C7: variants seen among roughly 807,000 people sequenced by gnomAD.
C7 encodes complement C7.
A neutral mutation model predicts 104.8 loss-of-function variants in C7; 83 were observed. The observed-to-expected ratio is 0.79, with a 90% confidence interval of 0.66 to 0.95. The LOEUF (loss-of-function observed/expected upper bound fraction) is 0.95, where lower values mean the gene tolerates loss of function less well. Among genes scored for constraint, C7 ranks in the 40% least tolerant of loss-of-function variants. The pLI, the probability that C7 is intolerant of heterozygous loss-of-function variation, is 0.00. For missense variants in C7, 1,070 were observed against 1,011.2 expected (o/e 1.06, Z -0.79); for synonymous variants, 415 against 360.6 (o/e 1.15, Z -1.71).
At chr5:40,972,125 G>A (rs1740710326) in intron 14 of C7, 1 of 537,366 alleles carries the variant, frequency 1.9e-6, no homozygotes, top group Non-Finnish European at 3.4e-6. Context: ...CTGGGCATTA[G>A]GACTCTATTG....
intron 14 of C7, among the ~76,000 whole-genome samples, chr5:40,966,803 T>C (rs1345167076): frequency 6.6e-6 from 1 of 152,142 alleles, no homozygotes; most frequent in African/African-American, 2.4e-5. Context: ...CGTATATATA[T>C]ACCACAGTTT....
intron 1 of C7, among the ~76,000 whole-genome samples, chr5:40,911,913 A>AT (rs745734485): frequency 0.01 from 1,331 of 127,564 alleles, 26 homozygotes; most frequent in African/African-American, 0.033. Flanking sequence ...TAATTTTTGT[A>AT]TTTTTTTTTT....
chr5:40,914,004 T>C (rs902515913), intron 1 of C7, among the ~76,000 whole-genome samples: 1 of 152,016 alleles, frequency 6.6e-6, no homozygotes, highest in Non-Finnish European at 1.5e-5. Context: ...TTAAGAATTA[T>C]TTTTTGTAGA....
intron 11 of C7, 55 bp downstream of exon 11, chr5:40,958,316 C>A: frequency 1.9e-6 from 2 of 1,063,048 alleles, no homozygotes; most frequent in South Asian, 4.2e-5. Context: ...GGGAATTACC[C>A]TGTTTCTCTG....
intron 9 of C7, among the ~76,000 whole-genome samples, chr5:40,952,404 A>T (rs1740189265): frequency 6.6e-6 from 1 of 152,202 alleles, no homozygotes; most frequent in East Asian, 1.9e-4. Context: ...TAGCTGGAAC[A>T]GAGAGCTCAC....
chr5:40,937,751 T>C (rs1561243965), intron 6 of C7, 61 bp downstream of exon 6: 3 of 1,356,524 alleles, frequency 2.2e-6, no homozygotes, highest in African/African-American at 2.9e-5. Context: ...TTATATGATA[T>C]TGACTTTTAC....
intron 8 of C7, 58 bp from the exon 9 acceptor site, chr5:40,949,846 T>C (rs1740128916): frequency 9.4e-7 from 1 of 1,062,254 alleles, no homozygotes; most frequent in Non-Finnish European, 1.4e-6. Context: ...CTCTCATATC[T>C]GAAGATCTTC....
intron 15 of C7, among the ~76,000 whole-genome samples, chr5:40,973,084 T>C (rs185512781): frequency 3.7e-4 from 57 of 152,280 alleles, no homozygotes; most frequent in Admixed American, 1.2e-3. Context: ...GCAGACATTA[T>C]TGAAGGAAAA....
At chr5:40,923,634 T>C (rs1739487972) in intron 1 of C7, among the ~76,000 whole-genome samples, 1 of 151,968 alleles carries the variant, frequency 6.6e-6, no homozygotes, top group African/African-American at 2.4e-5. Flanking sequence ...TAATCATAGC[T>C]ACTCAGGAGG....
At chr5:40,962,974 G>A (rs1253344348) in intron 13 of C7, among the ~76,000 whole-genome samples, 2 of 152,220 alleles carry the variant, frequency 1.3e-5, no homozygotes, top group Non-Finnish European at 2.9e-5. Context: ...ACGCAAGTGT[G>A]TGTGTGTGTT....
intron 14 of C7, among the ~76,000 whole-genome samples, chr5:40,966,117 T>C (rs1177437341): frequency 6.6e-6 from 1 of 152,086 alleles, no homozygotes; most frequent in African/African-American, 2.4e-5. Flanking sequence ...ATTTTAATTT[T>C]TAAAAATTTC....
chr5:40,925,794 C>T (rs532833659), intron 1 of C7, among the ~76,000 whole-genome samples: 2 of 152,282 alleles, frequency 1.3e-5, no homozygotes, highest in African/African-American at 4.8e-5. Context: ...AGGCAGGTCA[C>T]ATGGCAACAG....
intron 15 of C7, among the ~76,000 whole-genome samples, chr5:40,973,085 T>C (rs1740733910): frequency 1.3e-5 from 2 of 152,192 alleles, no homozygotes; most frequent in African/African-American, 4.8e-5. Context: ...CAGACATTAT[T>C]GAAGGAAAAG....
intron 14 of C7, among the ~76,000 whole-genome samples, chr5:40,970,308 C>T (rs1181393856): frequency 6.6e-6 from 1 of 152,120 alleles, no homozygotes; most frequent in East Asian, 1.9e-4. Context: ...GTCCAAAGTC[C>T]ATTAGGGATA....
rs192441969 is a variant in C7 at position 40,957,735 on chromosome 5, C to T, written c.1261-298C>T. Among the ~76,000 whole-genome samples the T allele has an allele frequency of 2.7e-3, 401 of 150,176 alleles. 2 individuals carry two copies. Among genetic ancestry groups the T allele is most frequent in the East Asian group, 0.015 (75 of 5,088 alleles). Reference sequence around the variant, plus strand: ...CCTCTCAAAGTGCTGGCGTTACAGGCGTGAGTCATCGCGCCTGGGCTGGTT... The same window carrying T: ...CCTCTCAAAGTGCTGGCGTTACAGGTGTGAGTCATCGCGCCTGGGCTGGTT... On this transcript the variant is annotated intron_variant, in intron 10 of 17. Transcript: ENST00000313164.
chr5:40,952,500 T>C (rs906058497), intron 9 of C7, among the ~76,000 whole-genome samples: 15 of 151,774 alleles, frequency 9.9e-5, no homozygotes, highest in African/African-American at 3.6e-4. Flanking sequence ...ATTTATTTAT[T>C]TATTTTTATT....
At position 40,972,441 on chromosome 5, in the gene C7, C is replaced by T. The variant is rs866791984; in HGVS notation, c.1921C>T (p.Gln641Ter). 1.2e-6 allele frequency: 2 copies of T among 1,613,756 alleles called. No individual in the cohort carries two copies. The highest frequency in any genetic ancestry group is 1.7e-6 in the Non-Finnish European group (2 of 1,179,814). The change falls in exon 15 of 18, where the codon CAG becomes TAG. Residue 641 changes from glutamine (Q) to a stop codon, truncating the protein, a stop_gained. Transcript: ENST00000313164. LOFTEE classifies it high-confidence loss of function. ...TCTACCTGTACTGATGGATGGCATACAGAGTCACCCCCAAAAACCTTTCTA... is the reference window on the plus strand; with the variant it reads ...TCTACCTGTACTGATGGATGGCATATAGAGTCACCCCCAAAAACCTTTCTA... ...CVLPVLMDGIQSHPQKPFYTV... is the reference protein window; with the variant it reads ...CVLPVLMDGI
chr5:40,943,735 A>C (rs539146003), intron 6 of C7, among the ~76,000 whole-genome samples: 1 of 152,054 alleles, frequency 6.6e-6, no homozygotes, highest in South Asian at 2.1e-4. Context: ...ATATTCTCCC[A>C]GCCCAAGCTG....
chr5:40,938,394 A>C (rs2111603054), intron 6 of C7, among the ~76,000 whole-genome samples: 1 of 152,180 alleles, frequency 6.6e-6, no homozygotes, highest in Admixed American at 6.5e-5. Flanking sequence ...TTTTCACTAA[A>C]AGTTATGGAT....
Sources: gnomAD v4.1 joint callset for allele counts (sites outside exome capture counted in the v4.1 genomes callset) on GRCh38, gnomAD v4.1.1 for gene constraint, MANE v1.5 for transcripts, NCBI Gene and HGNC (gene_info 2026-07-23, HGNC 2026-07-21) for gene names.